Variants in SLC22A2 observed in about 807,000 individuals in gnomAD.
SLC22A2 encodes the protein organic cation transporter 2.
SLC22A2 carries 46 observed loss-of-function variants against 60.5 expected under a neutral mutation model. The observed-to-expected ratio is 0.76, with a 90% CI of 0.60 to 0.97. The LOEUF (loss-of-function observed/expected upper bound fraction) is 0.97, where lower values mean the gene tolerates loss of function less well. Ranked by LOEUF, SLC22A2 falls within the 50% of genes least tolerant of loss-of-function variation. SLC22A2 has a pLI of 0.00. For missense variants in SLC22A2, 701 were observed against 706.6 expected (o/e 0.99, Z 0.09); for synonymous variants, 303 against 267.0 (o/e 1.13, Z -1.31).
In SLC22A2 at chr6:160,258,353, G is replaced by T. The variant is rs199912224; in HGVS notation, c.405C>A (p.Ile135=). The T allele has an allele frequency of 7.5e-6, 12 of 1,608,032 alleles. No individual in the cohort carries two copies. The highest frequency in any genetic ancestry group is 1.0e-5 in the Non-Finnish European group (12 of 1,177,304). Reference sequence around the variant, plus strand: ...GAGCTCACTCTCTTACCTCGGTGACGATGGACGAGCCAGGCGTCTCGTACA... The same window carrying T: ...GAGCTCACTCTCTTACCTCGGTGACTATGGACGAGCCAGGCGTCTCGTACA... ...GWVYETPGSS[I]VTEFNLVCAN... The change falls in exon 1 of 11, where the codon ATC becomes ATA. Residue 135 remains isoleucine (I), a synonymous_variant. Coordinates refer to ENST00000366953, the MANE Select transcript of SLC22A2 (RefSeq NM_003058.4).
chr6:160,230,214 C>G (rs1782795724), intron 9 of SLC22A2, among the ~76,000 whole-genome samples: 1 of 151,834 alleles, frequency 6.6e-6, no homozygotes, highest in Admixed American at 6.5e-5. Flanking sequence ...TTTCACCTCC[C>G]CTCCTCACAC....
intron 10 of SLC22A2, among the ~76,000 whole-genome samples, chr6:160,220,859 A>G (rs1782632938): frequency 6.6e-6 from 1 of 152,184 alleles, no homozygotes; most frequent in Non-Finnish European, 1.5e-5. Context: ...CTGTAAACAG[A>G]TGTACTGTTA....
In SLC22A2 at chr6:160,224,821, T is replaced by C. The variant is rs1782698141; in HGVS notation, c.1502-17A>G. 6.9e-7 allele frequency: 1 copy of C among 1,443,950 alleles called. No homozygotes were observed. The highest frequency in any genetic ancestry group is 9.5e-7 in the Non-Finnish European group (1 of 1,051,278). The allele number at this position is 1,443,950 out of a possible 1,614,324, so 89.4% of individuals were successfully genotyped here. ...CAAGCACGCCTGAAAGCCAAACAGA[T>C]GAATATCACATTAAGAACTGAAAAA... On this transcript the variant is annotated splice_polypyrimidine_tract_variant and intron_variant, in intron 9 of 10. Transcript: ENST00000366953.
intron 2 of SLC22A2, among the ~76,000 whole-genome samples, chr6:160,255,536 G>A (rs1364276434): frequency 6.6e-6 from 1 of 152,080 alleles, no homozygotes; most frequent in Non-Finnish European, 1.5e-5. Flanking sequence ...ACTTTACCAT[G>A]TATTTCAGTT....
At chr6:160,220,563 G>A (rs979904225) in intron 10 of SLC22A2, among the ~76,000 whole-genome samples, 2 of 152,108 alleles carry the variant, frequency 1.3e-5, no homozygotes, top group African/African-American at 4.8e-5. Flanking sequence ...AATGTACTTT[G>A]CCTAGAACAA....
chr6:160,218,001 C>A, intron 10 of SLC22A2: 1 of 159,830 alleles, frequency 6.3e-6, no homozygotes, highest in Non-Finnish European at 1.4e-5. Context: ...TGATATTCAT[C>A]GTAGAAATGC....
chr6:160,255,466 G>T (rs1428933153), intron 2 of SLC22A2, among the ~76,000 whole-genome samples: 1 of 152,170 alleles, frequency 6.6e-6, no homozygotes, highest in Non-Finnish European at 1.5e-5. Flanking sequence ...CACAGGTTTG[G>T]ATTATATCAT....
At chr6:160,238,896 G>C (rs1183618431) in intron 9 of SLC22A2, among the ~76,000 whole-genome samples, 1 of 152,164 alleles carries the variant, frequency 6.6e-6, no homozygotes, top group Non-Finnish European at 1.5e-5. Context: ...AAAGTTGTTT[G>C]AACCAGAGTG....
intron 9 of SLC22A2, among the ~76,000 whole-genome samples, chr6:160,232,625 A>G (rs564337953): frequency 6.6e-6 from 1 of 151,952 alleles, no homozygotes; most frequent in Non-Finnish European, 1.5e-5. Flanking sequence ...AGCTGGAGTC[A>G]TTCACTGCAA....
intron 5 of SLC22A2, 122 bp downstream of exon 5, chr6:160,247,062 A>G: frequency 1.6e-6 from 1 of 625,642 alleles, no homozygotes; most frequent in East Asian, 2.7e-5. Context: ...GCTACAGGTA[A>G]GCCAAAATGC....
chr6:160,245,304 A>G, intron 6 of SLC22A2, 135 bp downstream of exon 6: 1 of 526,652 alleles, frequency 1.9e-6, no homozygotes. Context: ...AGGAAAACCT[A>G]CCAGACACAA....
At chr6:160,223,612 T>C (rs1782675599) in intron 10 of SLC22A2, among the ~76,000 whole-genome samples, 1 of 152,252 alleles carries the variant, frequency 6.6e-6, no homozygotes, top group Non-Finnish European at 1.5e-5. Context: ...CCAACACTTG[T>C]TATAAAAAAT....
At chr6:160,243,924 C>A in intron 6 of SLC22A2, 138 bp from the exon 7 acceptor site, 1 of 621,290 alleles carries the variant, frequency 1.6e-6, no homozygotes. Flanking sequence ...CATCCCACTG[C>A]TTTTATAATC....
chr6:160,256,834 T>C, intron 1 of SLC22A2, 117 bp from the exon 2 acceptor site: 1 of 673,890 alleles, frequency 1.5e-6, no homozygotes, highest in Non-Finnish European at 2.6e-6. Context: ...AATTGAACTG[T>C]ATAGTTAAGT....
At chr6:160,251,826 A>G (rs1177885391) in intron 2 of SLC22A2, among the ~76,000 whole-genome samples, 1 of 152,218 alleles carries the variant, frequency 6.6e-6, no homozygotes, top group Non-Finnish European at 1.5e-5. Flanking sequence ...CCATTTCAAA[A>G]TAATCCACAT....
At chr6:160,233,083 T>C (rs1161407834) in intron 9 of SLC22A2, among the ~76,000 whole-genome samples, 1 of 151,916 alleles carries the variant, frequency 6.6e-6, no homozygotes, top group Non-Finnish European at 1.5e-5. Flanking sequence ...TCCCCAGGAA[T>C]TTCTCAGGCC....
chr6:160,256,902 C>CT (rs1258873287), intron 1 of SLC22A2, among the ~76,000 whole-genome samples, 185 bp from the exon 2 acceptor site: 59 of 130,904 alleles, frequency 4.5e-4, no homozygotes, highest in African/African-American at 1.2e-3. Context: ...CTCTCTCTCT[C>CT]TTTTTTTTTT....
At chr6:160,239,253 C>T (rs138299674) in intron 9 of SLC22A2, among the ~76,000 whole-genome samples, 1 of 152,248 alleles carries the variant, frequency 6.6e-6, no homozygotes, top group Non-Finnish European at 1.5e-5. Flanking sequence ...AGGGGAGGAA[C>T]CCTCAGTTCC....
chr6:160,234,829 T>A (rs1426333673), intron 9 of SLC22A2, among the ~76,000 whole-genome samples: 2 of 152,230 alleles, frequency 1.3e-5, no homozygotes, highest in Non-Finnish European at 2.9e-5. Context: ...GGCTTCACCA[T>A]TTTACAATGG....
Sources: allele counts gnomAD v4.1 joint callset (sites outside exome capture counted in the v4.1 genomes callset), GRCh38; gene constraint gnomAD v4.1.1; transcripts MANE v1.5; gene names NCBI Gene and HGNC (gene_info 2026-07-23, HGNC 2026-07-21).